Variants in KIF9 observed in about 807,000 individuals in gnomAD.
KIF9 encodes kinesin-like protein KIF9.
KIF9 carries 68 observed loss-of-function variants against 94.8 expected under a neutral mutation model. The observed-to-expected ratio is 0.72, with a 90% CI of 0.59 to 0.88. KIF9 has a LOEUF of 0.88. Among genes scored for constraint, KIF9 ranks in the 40% least tolerant of loss-of-function variants. The probability of loss-of-function intolerance (pLI) is 0.00; values close to 1 mark genes in which losing one functional copy is unlikely to be tolerated. For synonymous variants in KIF9, 343 were observed against 362.1 expected (o/e 0.95, Z 0.60); for missense variants, 882 against 982.5 (o/e 0.90, Z 1.37).
chr3:47,247,429 C>T lies in KIF9; in HGVS notation c.1177G>A (p.Ala393Thr). 3.7e-6 allele frequency: 6 copies of T among 1,613,952 alleles called. No individual in the cohort carries two copies. The South Asian group carries it at 5.5e-5, about 15-fold the overall frequency. ...CTCCGCACCTGGGAGTTGATCTCAGCAATCTGGATTTCATCCATGGGGTCA... is the reference window on the plus strand; with the variant it reads ...CTCCGCACCTGGGAGTTGATCTCAGTAATCTGGATTTCATCCATGGGGTCA... ...TYDPMDEIQI[A>T]EINSQVRRYL... is the part of the protein sequence containing the mutation. Residue 393 changes from alanine (A) to threonine (T), a missense_variant, in exon 12 of 21, where the codon GCT becomes ACT. Coordinates refer to ENST00000684063, the MANE Select transcript of KIF9 (RefSeq NM_182902.4).
At chr3:47,281,719 A>T (rs1051985074) in intron 1 of KIF9, among the ~76,000 whole-genome samples, 8 of 152,204 alleles carry the variant, frequency 5.3e-5, no homozygotes, top group African/African-American at 1.9e-4. Flanking sequence ...TATTTCTGGT[A>T]TAACAAAGCA....
At chr3:47,276,576 A>G (rs2132172) in intron 2 of KIF9, among the ~76,000 whole-genome samples, 7 of 150,706 alleles carry the variant, frequency 4.6e-5, no homozygotes, top group African/African-American at 1.7e-4. Flanking sequence ...AAAAAAAAAG[A>G]AAAGAAAGAA....
chr3:47,272,818 A>C (rs1439628988), intron 4 of KIF9, among the ~76,000 whole-genome samples: 2 of 152,226 alleles, frequency 1.3e-5, no homozygotes, highest in Non-Finnish European at 2.9e-5. Flanking sequence ...AAGCTTTGAC[A>C]GTGGGATATT....
intron 1 of KIF9, 61 bp from the exon 2 acceptor site, chr3:47,277,440 G>T: frequency 9.1e-7 from 1 of 1,101,830 alleles, no homozygotes; most frequent in Admixed American, 1.8e-5. Flanking sequence ...GTAGAGGAGA[G>T]GGGTCATTCA....
chr3:47,264,193 C>T, intron 9 of KIF9, 93 bp downstream of exon 9: 1 of 936,176 alleles, frequency 1.1e-6, no homozygotes, highest in Non-Finnish European at 1.8e-6. Flanking sequence ...TGTCTATGGC[C>T]ACTGTGCCAG....
At chr3:47,276,447 T>C (rs1322740230) in intron 2 of KIF9, among the ~76,000 whole-genome samples, 2 of 150,492 alleles carry the variant, frequency 1.3e-5, no homozygotes, top group African/African-American at 4.9e-5. Context: ...TCCCAGCTAC[T>C]AGCAGGGCTG....
intron 9 of KIF9, among the ~76,000 whole-genome samples, chr3:47,258,537 G>A (rs778357776): frequency 6.6e-6 from 1 of 152,212 alleles, no homozygotes; most frequent in Non-Finnish European, 1.5e-5. Context: ...CAATGCTGGA[G>A]GTGGGGCCTG....
chr3:47,240,979 C>T lies in KIF9; in HGVS notation c.1746G>A (p.Glu582=), dbSNP rs1484456301. Residue 582 remains glutamate, a synonymous_variant, in exon 17 of 21, where the codon GAG becomes GAA. Coordinates refer to ENST00000684063, the MANE Select transcript of KIF9 (RefSeq NM_182902.4). ...DTPPSKPVAF[E]EFKNEQGSEI... ...CACTACCTTGCTCATTCTTAAACTC[C>T]TCAAAGGCCACTGGTTTGGAGGGTG... The T allele has an allele frequency of 6.2e-7, 1 of 1,614,166 alleles. No individual in the cohort carries two copies. The highest frequency in any genetic ancestry group is 1.7e-5 in the Admixed American group (1 of 60,016).
At chr3:47,246,039 C>T in intron 13 of KIF9, 158 bp downstream of exon 13, 1 of 607,160 alleles carries the variant, frequency 1.6e-6, no homozygotes. Context: ...AATGAACTCA[C>T]TGAATATCCA....
chr3:47,239,243 T>C (rs73069104), intron 17 of KIF9, among the ~76,000 whole-genome samples: 48,138 of 152,068 alleles, frequency 0.32, 7,928 homozygotes, highest in Middle Eastern at 0.43. Flanking sequence ...TCTCATCCTT[T>C]GAAACTGTCC....
At chr3:47,245,148 T>C (rs1699839299) in intron 14 of KIF9, 3 of 612,184 alleles carry the variant, frequency 4.9e-6, no homozygotes, top group Non-Finnish European at 8.6e-6. Context: ...GTATGGCACC[T>C]CATTCCATAC....
At position 47,229,924 on chromosome 3, in the gene KIF9, G is replaced by A. The variant is rs1575898412; in HGVS notation, c.2323-1222C>T. 2.0e-5 allele frequency among the ~76,000 whole-genome samples: 3 copies of A among 152,104 alleles called. 1 individual carries two copies. The highest frequency in any genetic ancestry group is 7.2e-5 in the African/African-American group (3 of 41,504). On this transcript the variant is annotated intron_variant, in intron 20 of 20. Transcript: ENST00000684063. ...AGTTTTTGTGTTTTTAGTAAAGACAGGGTTTTACCATGTTAGCCAGGCTGG... is the reference window on the plus strand; with the variant it reads ...AGTTTTTGTGTTTTTAGTAAAGACAAGGTTTTACCATGTTAGCCAGGCTGG...
chr3:47,262,574 C>T (rs1701049531), intron 9 of KIF9, among the ~76,000 whole-genome samples: 1 of 152,166 alleles, frequency 6.6e-6, no homozygotes, highest in Non-Finnish European at 1.5e-5. Flanking sequence ...CACCTGGCCT[C>T]AACCATGCAT....
At position 47,282,545 on chromosome 3, in the gene KIF9, A is replaced by T; in HGVS notation, c.-56T>A. Reference sequence around the variant, plus strand: ...GGACGCGACTGCCGCAACCGAAACCACCTGCACTCCCCACGCGGGGCTGCC... The same window carrying T: ...GGACGCGACTGCCGCAACCGAAACCTCCTGCACTCCCCACGCGGGGCTGCC... On this transcript the variant is annotated 5_prime_UTR_variant, in exon 1 of 21. Transcript: ENST00000684063. The T allele has an allele frequency of 9.9e-7, 1 of 1,010,670 alleles. No homozygotes were observed. The highest frequency in any genetic ancestry group is 1.2e-6 in the Non-Finnish European group (1 of 844,334). The allele number at this position is 1,010,670 out of a possible 1,614,324, so 62.6% of individuals were successfully genotyped here.
At chr3:47,256,816 T>C (rs1218133836) in intron 10 of KIF9, among the ~76,000 whole-genome samples, 1 of 152,240 alleles carries the variant, frequency 6.6e-6, no homozygotes, top group Non-Finnish European at 1.5e-5. Context: ...TCTTCTGCCT[T>C]GGGATCCTGT....
chr3:47,247,325 G>A (rs747985653), intron 12 of KIF9, 48 bp downstream of exon 12: 1 of 1,304,968 alleles, frequency 7.7e-7, no homozygotes, highest in Non-Finnish European at 1.1e-6. Flanking sequence ...GCCCAGGACT[G>A]GGAGGCCCAG....
intron 17 of KIF9, among the ~76,000 whole-genome samples, chr3:47,236,896 A>G (rs1297366622): frequency 6.6e-6 from 1 of 152,248 alleles, no homozygotes; most frequent in African/African-American, 2.4e-5. Flanking sequence ...CCCATGCTCC[A>G]TGCTTATTTT....
Position 47,230,267 on chromosome 3 carries a change from G to A in KIF9, c.2323-1565C>T, listed in dbSNP as rs1373324434. Among the ~76,000 whole-genome samples, 3 of 131,320 alleles carry A rather than the reference G, an allele frequency of 2.3e-5. 1 individual carries two copies. The highest frequency in any genetic ancestry group is 4.7e-5 in the Non-Finnish European group (3 of 63,244). The allele number at this position is 131,320 out of a possible 152,430, so 86.2% of individuals were successfully genotyped here. A position where few individuals can be genotyped will look rare whatever the true frequency, so the allele number is the denominator to read the frequency against. On this transcript the variant is annotated intron_variant, in intron 20 of 20. Coordinates refer to ENST00000684063, the MANE Select transcript of KIF9 (RefSeq NM_182902.4). ...CACTCCCTCCAGCTTGGGTGACAGA[G>A]CAAGACCTTGTCAAAAAAAAAAAAA...
At chr3:47,268,109 G>C (rs1459337170) in intron 5 of KIF9, among the ~76,000 whole-genome samples, 2 of 152,028 alleles carry the variant, frequency 1.3e-5, no homozygotes, top group East Asian at 3.9e-4. Context: ...GAGTTCAAGA[G>C]ATCTGCCCGC....
Sources: allele counts gnomAD v4.1 joint callset (sites outside exome capture counted in the v4.1 genomes callset), GRCh38; gene constraint gnomAD v4.1.1; transcripts MANE v1.5; gene names NCBI Gene and HGNC (gene_info 2026-07-23, HGNC 2026-07-21).